Variants in NBEA observed in about 807,000 individuals in gnomAD.
NBEA encodes the protein neurobeachin, also known as lysosomal-trafficking regulator 2.
NBEA carries 44 observed loss-of-function variants against 343.4 expected under a neutral mutation model. The ratio of observed to expected loss-of-function variants is 0.13; its 90% CI spans 0.10 to 0.16. The LOEUF is 0.16. NBEA is among the 10% of genes least tolerant of loss of function. NBEA has a pLI of 1.00. For synonymous variants in NBEA, 1,175 were observed against 1,238.7 expected (o/e 0.95, Z 1.08); for missense variants, 2,555 against 3,631.3 (o/e 0.70, Z 7.62).
intron 52 of NBEA, among the ~76,000 whole-genome samples, chr13:35,650,594 C>G (rs977150413): frequency 6.6e-6 from 1 of 152,076 alleles, no homozygotes. Context: ...CCCAGCTACT[C>G]GGGAGGCTGA....
chr13:35,556,692 T>C (rs1462220000), intron 44 of NBEA, among the ~76,000 whole-genome samples: 1 of 152,076 alleles, frequency 6.6e-6, no homozygotes, highest in East Asian at 1.9e-4. Flanking sequence ...TCAATTAACA[T>C]TTTTAAATCA....
At chr13:35,340,664 A>T (rs2039537519) in intron 36 of NBEA, among the ~76,000 whole-genome samples, 1 of 152,074 alleles carries the variant, frequency 6.6e-6, no homozygotes, top group Non-Finnish European at 1.5e-5. Flanking sequence ...AAAAGGAATA[A>T]ATTTAGCCAA....
At chr13:34,964,152 T>C (rs995323358) in intron 1 of NBEA, among the ~76,000 whole-genome samples, 21 of 152,174 alleles carry the variant, frequency 1.4e-4, no homozygotes, top group Non-Finnish European at 2.5e-4. Context: ...ATCCAAGCTA[T>C]ACTCTGATTG....
chr13:35,468,970 G>C (rs931665988), intron 40 of NBEA, among the ~76,000 whole-genome samples: 7 of 151,612 alleles, frequency 4.6e-5, no homozygotes, highest in African/African-American at 1.7e-4. Context: ...ACAGTGGTGC[G>C]TGCCTGTACT....
At chr13:35,578,341 T>C (rs1317454547) in intron 45 of NBEA, among the ~76,000 whole-genome samples, 1 of 152,018 alleles carries the variant, frequency 6.6e-6, no homozygotes, top group East Asian at 1.9e-4. Flanking sequence ...AGGAATTAAG[T>C]AGGAAATTAT....
chr13:35,570,314 G>A lies in NBEA; in HGVS notation c.7035+3297G>A, dbSNP rs187483684. Among the ~76,000 whole-genome samples, 267 of 152,344 alleles carry A rather than the reference G, an allele frequency of 1.8e-3. 1 individual carries two copies. Among genetic ancestry groups the A allele is most frequent in the Middle Eastern group, 3.4e-3 (1 of 294 alleles). On this transcript the variant is annotated intron_variant, in intron 45 of 58. Coordinates refer to ENST00000379939, the MANE Select transcript of NBEA (RefSeq NM_001385012.1). ...CTCCCAAAGTGCTGGGATTACAGGCGTGAGCCACCACGCCCAGCCCATTTC... is the reference window on the plus strand; with the variant it reads ...CTCCCAAAGTGCTGGGATTACAGGCATGAGCCACCACGCCCAGCCCATTTC...
chr13:35,326,785 A>G (rs141112996), intron 36 of NBEA, among the ~76,000 whole-genome samples: 89 of 152,128 alleles, frequency 5.9e-4, no homozygotes, highest in African/African-American at 2.1e-3. Context: ...AAAATTGACA[A>G]GTGGGACAAG....
intron 1 of NBEA, among the ~76,000 whole-genome samples, chr13:34,985,945 G>C (rs1295292167): frequency 6.7e-6 from 1 of 149,728 alleles, no homozygotes; most frequent in Admixed American, 6.7e-5. Flanking sequence ...TATTAGTCTT[G>C]CTAGCAGTCT....
chr13:35,594,884 C>T (rs2081698496), intron 47 of NBEA, among the ~76,000 whole-genome samples: 1 of 149,294 alleles, frequency 6.7e-6, no homozygotes, highest in Admixed American at 6.7e-5. Flanking sequence ...TAAATCAGAG[C>T]TATATCCATA....
At chr13:35,604,098 T>A (rs1244183556) in intron 47 of NBEA, among the ~76,000 whole-genome samples, 1 of 152,196 alleles carries the variant, frequency 6.6e-6, no homozygotes, top group Non-Finnish European at 1.5e-5. Flanking sequence ...TGATAAACAC[T>A]GTCATGTTTG....
At chr13:34,990,808 C>T (rs1323655051) in intron 1 of NBEA, among the ~76,000 whole-genome samples, 2 of 152,128 alleles carry the variant, frequency 1.3e-5, no homozygotes, top group Non-Finnish European at 2.9e-5. Context: ...GTATAAGTTC[C>T]AGTTTCAGAT....
intron 38 of NBEA, among the ~76,000 whole-genome samples, chr13:35,422,603 T>A (rs1334843473): frequency 6.6e-6 from 1 of 152,096 alleles, no homozygotes; most frequent in African/African-American, 2.4e-5. Flanking sequence ...GTGCCACAAT[T>A]AACATATGTG....
intron 35 of NBEA, among the ~76,000 whole-genome samples, chr13:35,304,772 T>A (rs1028201988): frequency 1.3e-5 from 2 of 152,166 alleles, no homozygotes; most frequent in Non-Finnish European, 2.9e-5. Flanking sequence ...TTTTTTATAT[T>A]TACTGTGTGT....
intron 49 of NBEA, among the ~76,000 whole-genome samples, chr13:35,632,026 A>G (rs1379767510): frequency 6.6e-6 from 1 of 152,156 alleles, no homozygotes; most frequent in East Asian, 1.9e-4. Flanking sequence ...TAAACACTAG[A>G]TCTGTTGGAT....
At chr13:35,641,106 G>T (rs1019327933) in intron 49 of NBEA, among the ~76,000 whole-genome samples, 8 of 151,946 alleles carry the variant, frequency 5.3e-5, no homozygotes, top group African/African-American at 1.9e-4. Context: ...ATTATTTTAT[G>T]AGACAATTGA....
intron 1 of NBEA, among the ~76,000 whole-genome samples, chr13:34,973,862 C>T (rs978196037): frequency 3.9e-5 from 6 of 152,154 alleles, no homozygotes; most frequent in Admixed American, 2.6e-4. Flanking sequence ...CAACCTCCTG[C>T]GTTGCTGGAG....
rs2070964205 is a variant in NBEA, at chr13:35,177,190, A to T, written c.4662+87A>T. On this transcript the variant is annotated intron_variant, in intron 28 of 58. Coordinates refer to ENST00000379939, the MANE Select transcript of NBEA (RefSeq NM_001385012.1). ...GTTTTATAAGAAAGCTGCTTATGAA[A>T]ACGACATTCCCTAGTATCTGGGATT... is the stretch of plus-strand genomic sequence containing the variant. 24 of 989,446 alleles carry T rather than the reference A, an allele frequency of 2.4e-5. 1 individual carries two copies. In the South Asian group the frequency reaches 3.6e-4, roughly 15 times the overall value. 61.3% of individuals were successfully genotyped at this position (989,446 alleles called of 1,614,324 possible).
intron 34 of NBEA, among the ~76,000 whole-genome samples, chr13:35,254,652 T>C (rs2152791756): frequency 6.6e-6 from 1 of 152,256 alleles, no homozygotes; most frequent in Admixed American, 6.5e-5. Context: ...AGTATTAGTA[T>C]ATACAATACT....
intron 17 of NBEA, among the ~76,000 whole-genome samples, chr13:35,130,348 C>A (rs943770867): frequency 2.0e-5 from 3 of 151,912 alleles, no homozygotes; most frequent in African/African-American, 7.2e-5. Context: ...GGTGTAAAAT[C>A]TCTATGTATT....
Sources: allele counts gnomAD v4.1 joint callset (sites outside exome capture counted in the v4.1 genomes callset), GRCh38; gene constraint gnomAD v4.1.1; transcripts MANE v1.5; gene names NCBI Gene and HGNC (gene_info 2026-07-23, HGNC 2026-07-21).